Variants in SNX29 observed in about 807,000 individuals in gnomAD.
SNX29 encodes the protein sorting nexin 29.
In SNX29, 78 loss-of-function variants were observed where a neutral mutation model predicts 102.1. That is an observed-to-expected ratio of 0.76 (90% CI 0.64 to 0.92). SNX29 has a LOEUF of 0.92. SNX29 is among the 40% of genes least tolerant of loss of function. The probability of loss-of-function intolerance (pLI) is 0.00; values close to 1 mark genes in which losing one functional copy is unlikely to be tolerated. For missense variants in SNX29, 1,280 were observed against 1,061.7 expected (o/e 1.21, Z -2.86); for synonymous variants, 580 against 414.5 (o/e 1.40, Z -4.85).
At chr16:12,397,341 C>CT (rs1368352179) in intron 16 of SNX29, among the ~76,000 whole-genome samples, 7 of 152,184 alleles carry the variant, frequency 4.6e-5, no homozygotes, top group Non-Finnish European at 7.3e-5. Context: ...AGCAGAAAAG[C>CT]TTTGAAGTTG....
chr16:12,069,164 A>G (rs1446191384), intron 10 of SNX29, 32 bp downstream of exon 10: 1 of 1,570,820 alleles, frequency 6.4e-7, no homozygotes, highest in Non-Finnish European at 8.7e-7. Flanking sequence ...TGCCTGTGGC[A>G]TTAAAACATC....
chr16:12,297,832 G>A lies in SNX29; in HGVS notation c.1782+19796G>A, dbSNP rs1259683440. Among the ~76,000 whole-genome samples, 6 of 152,108 alleles carry A rather than the reference G, an allele frequency of 3.9e-5. No individual in the cohort carries two copies. In the East Asian group the frequency reaches 1.2e-3, roughly 29 times the overall value. ...CTGAACAACTGTCGAAACCTTCCCA[G>A]CTTTGCTGAACCTCACTTTTCCCCT... On this transcript the variant is annotated intron_variant, in intron 15 of 20. Coordinates refer to ENST00000566228, the MANE Select transcript of SNX29 (RefSeq NM_032167.5).
intron 19 of SNX29, among the ~76,000 whole-genome samples, chr16:12,481,429 TACACATATATACAC>T (rs1008950481): frequency 4.1e-5 from 6 of 147,332 alleles, no homozygotes; most frequent in East Asian, 2.0e-4. Flanking sequence ...TACACACATA[TACACATATATACAC>T]ACACATATAT....
At chr16:12,067,333 G>C (rs2051083562) in intron 9 of SNX29, among the ~76,000 whole-genome samples, 1 of 152,070 alleles carries the variant, frequency 6.6e-6, no homozygotes, top group African/African-American at 2.4e-5. Flanking sequence ...ACAGAGCTGG[G>C]GGTTCTTGGG....
At chr16:12,558,591 C>G (rs1174438860) in intron 20 of SNX29, among the ~76,000 whole-genome samples, 8 of 152,188 alleles carry the variant, frequency 5.3e-5, no homozygotes, top group Non-Finnish European at 1.0e-4. Context: ...ACACCTGTCA[C>G]TCTCTGCCAC....
At chr16:12,523,191 C>T (rs777578272) in intron 19 of SNX29, among the ~76,000 whole-genome samples, 9 of 152,186 alleles carry the variant, frequency 5.9e-5, no homozygotes, top group Non-Finnish European at 1.3e-4. Flanking sequence ...GTGACTGAGC[C>T]CCTGCCTTGG....
intron 16 of SNX29, among the ~76,000 whole-genome samples, chr16:12,395,772 T>C (rs2083697980): frequency 6.6e-6 from 1 of 152,110 alleles, no homozygotes; most frequent in Non-Finnish European, 1.5e-5. Context: ...TACAAAATAA[T>C]CTCTGCTCCA....
intron 20 of SNX29, among the ~76,000 whole-genome samples, chr16:12,555,782 C>G (rs770346260): frequency 6.6e-6 from 1 of 152,090 alleles, no homozygotes; most frequent in African/African-American, 2.4e-5. Flanking sequence ...TCAGTGGCAC[C>G]AGGCAGGCAC....
intron 8 of SNX29, chr16:12,060,913 C>A: frequency 2.2e-6 from 1 of 455,678 alleles, no homozygotes; most frequent in Non-Finnish European, 4.4e-6. Flanking sequence ...GGAAGGGACC[C>A]AGACGTGACT....
At chr16:12,142,631 C>T (rs56074664) in intron 13 of SNX29, among the ~76,000 whole-genome samples, 7,883 of 152,156 alleles carry the variant, frequency 0.052, 220 homozygotes, top group Non-Finnish European at 0.059. Context: ...GTGGGGCGAT[C>T]TCAGATCACT....
intron 18 of SNX29, among the ~76,000 whole-genome samples, chr16:12,443,878 C>G: frequency 6.6e-6 from 1 of 152,258 alleles, no homozygotes; most frequent in East Asian, 1.9e-4. Context: ...GAGTGAGTAC[C>G]TTCTTCACTG....
chr16:12,333,694 G>C (rs946784423), intron 15 of SNX29, among the ~76,000 whole-genome samples: 3 of 152,032 alleles, frequency 2.0e-5, no homozygotes, highest in African/African-American at 2.4e-5. Flanking sequence ...CATGGCTCCT[G>C]ATAAGAATTT....
intron 14 of SNX29, among the ~76,000 whole-genome samples, chr16:12,200,834 C>A (rs543080126): frequency 6.6e-6 from 1 of 152,300 alleles, no homozygotes; most frequent in East Asian, 1.9e-4. Flanking sequence ...TGCTCACCCA[C>A]GACCACCTGA....
chr16:12,550,110 G>A (rs1426034287), intron 20 of SNX29, among the ~76,000 whole-genome samples: 1 of 152,208 alleles, frequency 6.6e-6, no homozygotes, highest in Non-Finnish European at 1.5e-5. Context: ...GAATACTGAG[G>A]CTGATGTACA....
intron 20 of SNX29, among the ~76,000 whole-genome samples, chr16:12,527,821 T>G (rs1170523405): frequency 6.6e-6 from 1 of 150,810 alleles, no homozygotes; most frequent in African/African-American, 2.5e-5. Context: ...ATTTTTCTTC[T>G]TCTTCTTTTT....
chr16:12,155,060 C>G (rs542009017), intron 13 of SNX29, among the ~76,000 whole-genome samples: 1 of 152,106 alleles, frequency 6.6e-6, no homozygotes, highest in Non-Finnish European at 1.5e-5. Context: ...CCTCCCACCC[C>G]CCTTGCCCTT....
chr16:12,350,681 G>C (rs2081969023), intron 15 of SNX29, among the ~76,000 whole-genome samples: 1 of 152,220 alleles, frequency 6.6e-6, no homozygotes, highest in Non-Finnish European at 1.5e-5. Flanking sequence ...TTTCCTACAA[G>C]TAGGGAATGG....
chr16:12,567,741 G>A (rs935094016), intron 20 of SNX29, among the ~76,000 whole-genome samples: 1 of 152,130 alleles, frequency 6.6e-6, no homozygotes, highest in Non-Finnish European at 1.5e-5. Flanking sequence ...TAAAACCTGG[G>A]CAAGAGTCGA....
chr16:12,436,391 A>G (rs1653421554), intron 18 of SNX29, among the ~76,000 whole-genome samples: 1 of 152,232 alleles, frequency 6.6e-6, no homozygotes, highest in African/African-American at 2.4e-5. Context: ...CGTCAGTGCG[A>G]TGCGTGACAT....
Sources: gnomAD v4.1 joint callset for allele counts (sites outside exome capture counted in the v4.1 genomes callset) on GRCh38, gnomAD v4.1.1 for gene constraint, MANE v1.5 for transcripts, NCBI Gene and HGNC (gene_info 2026-07-23, HGNC 2026-07-21) for gene names.